DUSP4: variants seen among roughly 807,000 people sequenced by gnomAD.
DUSP4 encodes the protein dual specificity phosphatase 4, also known as dual specificity protein phosphatase 4.
In DUSP4, 12 loss-of-function variants were observed where a neutral mutation model predicts 27.2. That is an observed-to-expected ratio of 0.44 (90% CI 0.28 to 0.71). The LOEUF is 0.71. Ranked by LOEUF, DUSP4 falls within the 30% of genes least tolerant of loss-of-function variation. The pLI is 0.14. For missense variants in DUSP4, 448 were observed against 551.3 expected, an observed-to-expected ratio of 0.81 and a Z score of 1.88; for synonymous variants, 257 against 245.2, an observed-to-expected ratio of 1.05 and a Z score of -0.45.
At chr8:29,345,458 T>C in intron 1 of DUSP4, 1 of 1,613,800 alleles carries the variant, frequency 6.2e-7, no homozygotes, top group Non-Finnish European at 8.5e-7. Flanking sequence ...GTTTGCAGTC[T>C]CTCCCAGTCC....
intron 1 of DUSP4, chr8:29,346,083 A>AG (rs1457711040): frequency 1.0e-6 from 1 of 985,292 alleles, no homozygotes; most frequent in East Asian, 1.1e-4. Context: ...GGCTAGAGAG[A>AG]GAAAAAACAG....
chr8:29,337,010 G>A lies in DUSP4; in HGVS notation c.*16C>T, dbSNP rs1259295495. On this transcript the variant is annotated 3_prime_UTR_variant, in exon 4 of 4. Coordinates refer to ENST00000240100, the MANE Select transcript of DUSP4 (RefSeq NM_001394.7). This position sits in a 1 kb window ranked among gnomAD's most constrained non-coding sequence, Gnocchi z 6.4. ...TGCTGGGAGCCAGCTCTGGTTCTGG[G>A]GCCCCCAGGGCGGCTCTAACAGCTG... is the stretch of plus-strand genomic sequence containing the variant. 4 of 1,570,562 alleles carry A rather than the reference G, an allele frequency of 2.5e-6. No individual in the cohort carries two copies. In the African/African-American group the frequency reaches 4.1e-5, roughly 16 times the overall value.
In DUSP4 at chr8:29,337,883, G is replaced by A. The variant is rs557584540; in HGVS notation, c.799+399C>T. Among the ~76,000 whole-genome samples, 107 of 152,242 alleles carry A rather than the reference G, an allele frequency of 7.0e-4. No individual in the cohort carries two copies. The highest frequency in any genetic ancestry group is 2.4e-3 in the African/African-American group (98 of 41,528). ...GGAGAATCACTTGCACCCCAGAAGC[G>A]GAGGTTGCAGTGAGCTGAGATGGCG... On this transcript the variant is annotated intron_variant, in intron 3 of 3. Transcript: ENST00000240100. The surrounding 1 kb of genome is among the most constrained non-coding windows in gnomAD (Gnocchi z 6.4).
At chr8:29,346,109 G>C (rs2117275264) in intron 1 of DUSP4, 1 of 981,538 alleles carries the variant, frequency 1.0e-6, no homozygotes, top group South Asian at 4.7e-5. Context: ...TGTCACCAGA[G>C]TTTCCAGAGC....
At position 29,349,996 on chromosome 8, in the gene DUSP4, C is replaced by G; in HGVS notation, c.283G>C (p.Ala95Pro). 2 of 1,594,590 alleles carry G rather than the reference C, an allele frequency of 1.3e-6. No individual in the cohort carries two copies. The highest frequency in any genetic ancestry group is 1.7e-6 in the Non-Finnish European group (2 of 1,172,718). Residue 95 changes from alanine to proline, a missense_variant, in exon 1 of 4, where the codon GCC (alanine) becomes CCC (proline). Around this residue, in one of 3 missense-constraint regions of DUSP4, gnomAD observed 345 missense variants for 394.0 expected, o/e 0.88. Coordinates refer to ENST00000240100, the MANE Select transcript of DUSP4 (RefSeq NM_001394.7). ...QILPAEEEVR[A>P]RLRSGLYSAV... ...GAGTAGAGGCCGGAGCGCAAGCGGG[C>G]GCGTACCTCCTCCTCGGCGGGCAGG...
In DUSP4 at chr8:29,342,994, C is replaced by T. The variant is rs1026882151; in HGVS notation, c.434-2751G>A. ...CATCCTGGCTAACACGGTGAAACCC[C>T]GTCTCTACTAAAAATACAAAAAAAT... On this transcript the variant is annotated intron_variant, in intron 1 of 3. Transcript: ENST00000240100. Among the ~76,000 whole-genome samples the T allele has an allele frequency of 1.3e-5, 2 of 151,810 alleles. 1 individual carries two copies. The highest frequency in any genetic ancestry group is 1.3e-4 in the Admixed American group (2 of 15,252).
At chr8:29,338,162 G>A (rs1817605158) in intron 3 of DUSP4, 120 bp downstream of exon 3, 2 of 1,000,776 alleles carry the variant, frequency 2.0e-6, no homozygotes, top group Non-Finnish European at 3.0e-6. Flanking sequence ...GAGGAAGAGG[G>A]GGAATGGGGA....
chr8:29,349,305 C>T (rs1192636332), intron 1 of DUSP4, among the ~76,000 whole-genome samples: 1 of 150,776 alleles, frequency 6.6e-6, no homozygotes, highest in East Asian at 2.0e-4. Context: ...AGATACAGAT[C>T]GCTCTACACA....
intron 1 of DUSP4, among the ~76,000 whole-genome samples, chr8:29,341,680 A>G (rs1817657875): frequency 6.6e-6 from 1 of 152,140 alleles, no homozygotes; most frequent in African/African-American, 2.4e-5. Context: ...ACTTCATCAC[A>G]GAAGCACCCC....
At position 29,350,419 on chromosome 8, in the gene DUSP4, G is replaced by C; in HGVS notation, c.-141C>G. On this transcript the variant is annotated 5_prime_UTR_variant, in exon 1 of 4. Coordinates refer to ENST00000240100, the MANE Select transcript of DUSP4 (RefSeq NM_001394.7). The stretch of plus-strand genomic sequence containing the variant: ...AAACTTGGTCCTCAAGGGCTCCCGC[G>C]GGAGAGCCTCTTCTTCCCTGTCCCC... 1.0e-6 allele frequency: 1 copy of C among 978,724 alleles called. No homozygotes were observed. The highest frequency in any genetic ancestry group is 1.5e-6 in the Non-Finnish European group (1 of 687,326). 60.6% of individuals were successfully genotyped at this position (978,724 alleles called of 1,614,324 possible).
rs370975967 is a variant in DUSP4, at chr8:29,337,188, C to T, written c.1023G>A (p.Ala341=). Residue 341 remains alanine, a synonymous_variant, in exon 4 of 4, where the codon GCG becomes GCA. Transcript: ENST00000240100. The surrounding 1 kb of genome is among the most constrained non-coding windows in gnomAD (Gnocchi z 6.4). ...GGGGTCCCGAGGGGCTAGCAGCCTC[C>T]GCAGCACAGGACGTGGCCAGCACCT... ...ESQVLATSCA[A]EAASPSGPLR... 1.1e-5 allele frequency: 18 copies of T among 1,613,008 alleles called. No individual in the cohort carries two copies. The highest frequency in any genetic ancestry group is 1.7e-4 in the Middle Eastern group (1 of 6,060).
chr8:29,346,572 T>G (rs902544595), intron 1 of DUSP4, among the ~76,000 whole-genome samples: 4 of 152,170 alleles, frequency 2.6e-5, no homozygotes, highest in Non-Finnish European at 5.9e-5. Flanking sequence ...AAACTAAAAT[T>G]TCCAAACTGA....
rs533024751 is a variant in DUSP4 at position 29,347,862 on chromosome 8, G to C, written c.433+1984C>G. The stretch of plus-strand genomic sequence containing the variant: ...GGGCTCTCGAATCGGTCTGGCTGGG[G>C]AAATGGAGGAGGTTGGGGAGGGAGG... On this transcript the variant is annotated intron_variant, in intron 1 of 3. Coordinates refer to ENST00000240100, the MANE Select transcript of DUSP4 (RefSeq NM_001394.7). 1,664 of 985,684 alleles carry C rather than the reference G, an allele frequency of 1.7e-3. 2 individuals carry two copies. Among genetic ancestry groups the C allele is most frequent in the Non-Finnish European group, 1.9e-3 (1,574 of 830,114 alleles). 61.1% of individuals were successfully genotyped at this position (985,684 alleles called of 1,614,324 possible).
In DUSP4 at chr8:29,337,098, G is replaced by C; in HGVS notation, c.1113C>G (p.Ser371=). Residue 371 remains serine, a synonymous_variant, in exon 4 of 4, where the codon TCC becomes TCG. Transcript: ENST00000240100. The surrounding 1 kb of genome is among the most constrained non-coding windows in gnomAD (Gnocchi z 6.4). ...TSQFVFSFPV[S]VGVHSAPSSL... ...TGCTGGGGGCCGAGTGCACGCCCACGGAGACCGGAAAGCTGAAGACGAACT... is the reference window on the plus strand; with the variant it reads ...TGCTGGGGGCCGAGTGCACGCCCACCGAGACCGGAAAGCTGAAGACGAACT... 6.2e-7 allele frequency: 1 copy of C among 1,609,868 alleles called. No individual in the cohort carries two copies. The highest frequency in any genetic ancestry group is 1.7e-5 in the Admixed American group (1 of 59,450).
chr8:29,336,752 G>T lies in DUSP4; in HGVS notation c.*274C>A. 1 of 379,364 alleles carries T rather than the reference G, an allele frequency of 2.6e-6. No homozygotes were observed. Among genetic ancestry groups the T allele is most frequent in the Non-Finnish European group, 4.7e-6 (1 of 214,378 alleles). 23.5% of individuals were successfully genotyped at this position (379,364 alleles called of 1,614,324 possible). On this transcript the variant is annotated 3_prime_UTR_variant, in exon 4 of 4. Transcript: ENST00000240100. ...AAAAATGAGGTAAGAAATTTCTATCGGAAAAGTGAAACTGACACATAAACC... is the reference window on the plus strand; with the variant it reads ...AAAAATGAGGTAAGAAATTTCTATCTGAAAAGTGAAACTGACACATAAACC...
chr8:29,348,391 T>C (rs1817766438), intron 1 of DUSP4: 1 of 985,636 alleles, frequency 1.0e-6, no homozygotes, highest in African/African-American at 1.7e-5. Flanking sequence ...ACAAGCCCCT[T>C]CCTGGCACTT....
Position 29,349,987 on chromosome 8 carries a change from G to A in DUSP4, c.292C>T (p.Arg98Cys). 1 of 1,569,148 alleles carries A rather than the reference G, an allele frequency of 6.4e-7. No homozygotes were observed. Among genetic ancestry groups the A allele is most frequent in the Non-Finnish European group, 8.6e-7 (1 of 1,162,330 alleles). The change falls in exon 1 of 4, where the codon CGC becomes TGC. Residue 98 changes from arginine to cysteine, a missense_variant. Arg to Cys is a radical substitution (Grantham distance 180, BLOSUM62 -3). Around this residue, in one of 3 missense-constraint regions of DUSP4, gnomAD observed 345 missense variants for 394.0 expected, o/e 0.88. Coordinates refer to ENST00000240100, the MANE Select transcript of DUSP4 (RefSeq NM_001394.7). Reference sequence around the variant, plus strand: ...ATGACCGCCGAGTAGAGGCCGGAGCGCAAGCGGGCGCGTACCTCCTCCTCG... The same window carrying A: ...ATGACCGCCGAGTAGAGGCCGGAGCACAAGCGGGCGCGTACCTCCTCCTCG... ...PAEEEVRARL[R>C]SGLYSAVIVY... is the part of the protein sequence containing the mutation.
At chr8:29,345,961 G>C (rs975464062) in intron 1 of DUSP4, 6 of 425,156 alleles carry the variant, frequency 1.4e-5, no homozygotes, top group Non-Finnish European at 1.6e-5. Flanking sequence ...GCAGAAAAGC[G>C]AGTCATTTTC....
Position 29,336,937 on chromosome 8 carries a change from C to A in DUSP4, c.*89G>T. On this transcript the variant is annotated 3_prime_UTR_variant, in exon 4 of 4. Transcript: ENST00000240100. ...GGGAAGGAGCTCGGTCGCCTGCTCCCAGCTGCTCAGTCCCAACTTTCTGCC... is the reference window on the plus strand; with the variant it reads ...GGGAAGGAGCTCGGTCGCCTGCTCCAAGCTGCTCAGTCCCAACTTTCTGCC... 1 of 1,442,794 alleles carries A rather than the reference C, an allele frequency of 6.9e-7. No individual in the cohort carries two copies. Among genetic ancestry groups the A allele is most frequent in the Non-Finnish European group, 9.1e-7 (1 of 1,098,462 alleles). 89.4% of individuals were successfully genotyped at this position (1,442,794 alleles called of 1,614,324 possible).
Sources: allele counts gnomAD v4.1 joint callset (sites outside exome capture counted in the v4.1 genomes callset), GRCh38; gene constraint gnomAD v4.1.1; regional missense constraint gnomAD v4.1.1; non-coding constraint Gnocchi (gnomAD v3.1); transcripts MANE v1.5; gene names NCBI Gene and HGNC (gene_info 2026-07-23, HGNC 2026-07-21).